Variants in PDZD2 observed in about 807,000 individuals in gnomAD.
PDZD2 encodes the protein PDZ domain containing 2.
Under a neutral mutation model 220.7 loss-of-function variants are expected in PDZD2, and 90 were observed. The ratio of observed to expected loss-of-function variants is 0.41; its 90% CI spans 0.34 to 0.49. The LOEUF (loss-of-function observed/expected upper bound fraction) is 0.49. Ranked by LOEUF, PDZD2 falls within the 20% of genes least tolerant of loss-of-function variation. The probability of loss-of-function intolerance (pLI) is 0.28; values close to 1 mark genes in which losing one functional copy is unlikely to be tolerated. For synonymous variants in PDZD2, 1,375 were observed against 1,450.5 expected, an observed-to-expected ratio of 0.95 and a Z score of 1.18; for missense variants, 3,174 against 3,608.5, an observed-to-expected ratio of 0.88 and a Z score of 3.08.
Position 31,798,909 on chromosome 5 carries a change from G to A in PDZD2, c.-340G>A, listed in dbSNP as rs1754212728. 3.3e-6 allele frequency: 1 copy of A among 302,376 alleles called. No homozygotes were observed. Among genetic ancestry groups the A allele is most frequent in the Non-Finnish European group, 6.1e-6 (1 of 162,884 alleles). The allele number at this position is 302,376 out of a possible 1,614,324, so 18.7% of individuals were successfully genotyped here. A position where few individuals can be genotyped will look rare whatever the true frequency, so the allele number is the denominator to read the frequency against. On this transcript the variant is annotated 5_prime_UTR_variant, in exon 2 of 25. Transcript: ENST00000438447. Reference sequence around the variant, plus strand: ...CCCAGGTGTGAATGAGCCCAGGGAAGGACACACGGCCACTGCTGGAGGGAT... The same window carrying A: ...CCCAGGTGTGAATGAGCCCAGGGAAAGACACACGGCCACTGCTGGAGGGAT...
chr5:32,060,579 C>T (rs1417688862), intron 13 of PDZD2, among the ~76,000 whole-genome samples: 4 of 152,120 alleles, frequency 2.6e-5, no homozygotes, highest in African/African-American at 9.7e-5. Flanking sequence ...CAGACGGACC[C>T]GAGTTAGTTC....
chr5:31,841,225 A>G (rs995642858), intron 2 of PDZD2, among the ~76,000 whole-genome samples: 1 of 152,192 alleles, frequency 6.6e-6, no homozygotes, highest in African/African-American at 2.4e-5. Flanking sequence ...ACACACACAC[A>G]CACATAAACA....
intron 2 of PDZD2, among the ~76,000 whole-genome samples, chr5:31,908,057 T>C (rs1301819395): frequency 8.5e-6 from 1 of 118,330 alleles, no homozygotes; most frequent in Non-Finnish European, 1.6e-5. Context: ...CACTCTAGCC[T>C]GGGTGACAGA....
At chr5:31,764,133 G>A (rs370141601) in intron 1 of PDZD2, among the ~76,000 whole-genome samples, 27 of 152,136 alleles carry the variant, frequency 1.8e-4, no homozygotes, top group African/African-American at 5.5e-4. Flanking sequence ...CTTTTTACAC[G>A]CTTCCATCCA....
At chr5:31,790,966 G>T (rs1753683561) in intron 1 of PDZD2, among the ~76,000 whole-genome samples, 1 of 151,888 alleles carries the variant, frequency 6.6e-6, no homozygotes, top group Admixed American at 6.6e-5. Flanking sequence ...CCAAAGTGCT[G>T]GGATTACAGG....
intron 1 of PDZD2, among the ~76,000 whole-genome samples, chr5:31,640,552 C>G (rs552653602): frequency 4.6e-5 from 7 of 152,328 alleles, no homozygotes; most frequent in South Asian, 2.1e-4. Context: ...TCTGTCCTTG[C>G]AGAGAGACCC....
intron 19 of PDZD2, among the ~76,000 whole-genome samples, chr5:32,078,612 ATAC>A (rs1741560913): frequency 2.7e-5 from 4 of 145,796 alleles, no homozygotes; most frequent in Non-Finnish European, 6.0e-5. Context: ...AGCCTGGGCT[ATAC>A]AGTGAAACTG....
At chr5:31,885,565 T>G (rs1740382361) in intron 2 of PDZD2, among the ~76,000 whole-genome samples, 1 of 152,234 alleles carries the variant, frequency 6.6e-6, no homozygotes, top group East Asian at 1.9e-4. Flanking sequence ...CATTACAGAA[T>G]ACTATGTGGC....
At chr5:31,658,623 CTT>C (rs746305849) in intron 1 of PDZD2, among the ~76,000 whole-genome samples, 5 of 146,906 alleles carry the variant, frequency 3.4e-5, no homozygotes, top group Admixed American at 6.8e-5. Flanking sequence ...GCTGTTTTCA[CTT>C]TTTTTTTTTT....
rs556276502 is a variant in PDZD2 at position 32,014,706 on chromosome 5, C to CTTTTTTTTT, written c.1407+4244_1407+4252dup. ...ATTTTCTGCTCTGCAATGACAATTT[C>CTTTTTTTTT]TTTTTTTTTTTTTTTTTTTTTTTTT... On this transcript the variant is annotated intron_variant, in intron 6 of 24. Coordinates refer to ENST00000438447, the MANE Select transcript of PDZD2 (RefSeq NM_178140.4). Among the ~76,000 whole-genome samples the CTTTTTTTTT allele has an allele frequency of 1.0e-3, 95 of 95,420 alleles. 19 individuals carry two copies. Among genetic ancestry groups the CTTTTTTTTT allele is most frequent in the African/African-American group, 3.8e-3 (88 of 22,900 alleles). 62.6% of individuals were successfully genotyped at this position (95,420 alleles called of 152,430 possible). A position where few individuals can be genotyped will look rare whatever the true frequency, so the allele number is the denominator to read the frequency against.
chr5:31,943,796 C>G (rs1238294357), intron 2 of PDZD2, among the ~76,000 whole-genome samples: 1 of 152,196 alleles, frequency 6.6e-6, no homozygotes, highest in African/African-American at 2.4e-5. Flanking sequence ...AAACATCTGT[C>G]TATCTTAACC....
At position 32,087,261 on chromosome 5, in the gene PDZD2, C is replaced by G. The variant is rs750306332; in HGVS notation, c.3813C>G (p.Pro1271=). 1 of 1,614,200 alleles carries G rather than the reference C, an allele frequency of 6.2e-7. No individual in the cohort carries two copies. Among genetic ancestry groups the G allele is most frequent in the Non-Finnish European group, 8.5e-7 (1 of 1,180,012 alleles). The part of the protein sequence containing the change: ...RPENPSQPAS[P]RVTKCKARSP... ...AGAATCCCAGCCAGCCTGCATCGCC[C>G]AGGGTCACCAAGTGCAAGGCCAGGT... The change falls in exon 20 of 25, where the codon CCC becomes CCG. Residue 1271 remains proline (P), a synonymous_variant. Coordinates refer to ENST00000438447, the MANE Select transcript of PDZD2 (RefSeq NM_178140.4). The surrounding 1 kb of genome is among the most constrained non-coding windows in gnomAD (Gnocchi z 4.0).
At chr5:31,844,721 A>G (rs1757498163) in intron 2 of PDZD2, among the ~76,000 whole-genome samples, 1 of 152,220 alleles carries the variant, frequency 6.6e-6, no homozygotes, top group African/African-American at 2.4e-5. Flanking sequence ...TTGCTGGGGA[A>G]AGGAACAGTC....
At chr5:31,868,792 GAC>G (rs1738469064) in intron 2 of PDZD2, among the ~76,000 whole-genome samples, 1 of 152,110 alleles carries the variant, frequency 6.6e-6, no homozygotes, top group Non-Finnish European at 1.5e-5. Context: ...TTGTTTTTGA[GAC>G]AGAGTCTTGC....
intron 2 of PDZD2, among the ~76,000 whole-genome samples, chr5:31,802,747 C>T (rs1436114607): frequency 6.6e-6 from 1 of 151,910 alleles, no homozygotes; most frequent in African/African-American, 2.4e-5. Flanking sequence ...GGTGAAACCC[C>T]GTGTCTACTA....
intron 1 of PDZD2, among the ~76,000 whole-genome samples, chr5:31,768,649 A>G (rs1752166191): frequency 6.6e-6 from 1 of 152,004 alleles, no homozygotes; most frequent in Non-Finnish European, 1.5e-5. Flanking sequence ...TCAAAAAAAA[A>G]AAAAAAAAAC....
At chr5:31,773,644 T>A (rs1298152714) in intron 1 of PDZD2, among the ~76,000 whole-genome samples, 1 of 152,180 alleles carries the variant, frequency 6.6e-6, no homozygotes, top group Non-Finnish European at 1.5e-5. Context: ...AGCAAGACTC[T>A]GTCTCAAAAA....
At chr5:31,940,845 A>G (rs1746150778) in intron 2 of PDZD2, among the ~76,000 whole-genome samples, 1 of 152,232 alleles carries the variant, frequency 6.6e-6, no homozygotes, top group Non-Finnish European at 1.5e-5. Context: ...GATGACTCCC[A>G]GTGAAGGGCA....
At chr5:31,926,523 T>C (rs1207912920) in intron 2 of PDZD2, among the ~76,000 whole-genome samples, 2 of 42,548 alleles carry the variant, frequency 4.7e-5, no homozygotes, top group African/African-American at 1.2e-4. Flanking sequence ...AGAAACTGCA[T>C]CTGAAAAAAA....
Sources: allele counts gnomAD v4.1 joint callset (sites outside exome capture counted in the v4.1 genomes callset), GRCh38; gene constraint gnomAD v4.1.1; non-coding constraint Gnocchi (gnomAD v3.1); transcripts MANE v1.5; gene names NCBI Gene and HGNC (gene_info 2026-07-23, HGNC 2026-07-21).